FNBP1L: variants seen among roughly 807,000 people sequenced by gnomAD.
The protein encoded by FNBP1L is formin binding protein 1 like.
A neutral mutation model predicts 91.2 loss-of-function variants in FNBP1L; 36 were observed. That is an observed-to-expected ratio of 0.39 (90% CI 0.30 to 0.52). The LOEUF is 0.52. Ranked by LOEUF, FNBP1L falls within the 20% of genes least tolerant of loss-of-function variation. The pLI is 0.66. For synonymous variants in FNBP1L, 242 were observed against 237.0 expected, an observed-to-expected ratio of 1.02 and a Z score of -0.19; for missense variants, 571 against 732.1, an observed-to-expected ratio of 0.78 and a Z score of 2.54.
At chr1:93,494,168 A>G (rs2433277) in intron 1 of FNBP1L, among the ~76,000 whole-genome samples, 149,450 of 152,274 alleles carry the variant, frequency 0.98, 73,393 homozygotes, top group East Asian at 1. Flanking sequence ...TGCTGTAATG[A>G]CTTACAGAAC....
chr1:93,541,057 G>A lies in FNBP1L; in HGVS notation c.1164+1G>A. 1 of 1,536,342 alleles carries A rather than the reference G, an allele frequency of 6.5e-7. No individual in the cohort carries two copies. The highest frequency in any genetic ancestry group is 1.2e-5 in the South Asian group (1 of 84,028). On this transcript the variant is annotated splice_donor_variant, in intron 11 of 16. Transcript: ENST00000271234. LOFTEE classifies it high-confidence loss of function. ...AACTATTCAGTGGTCGGTGAAGATG[G>A]TAAGCCTTATGTGCTGATCTATATA... is the stretch of plus-strand genomic sequence containing the variant.
intron 1 of FNBP1L, 148 bp from the exon 2 acceptor site, chr1:93,499,320 A>G: frequency 1.6e-6 from 1 of 627,332 alleles, no homozygotes; most frequent in Admixed American, 3.1e-5. Context: ...TCTAGGTCTT[A>G]AAGGGTGAAG....
chr1:93,514,971 G>A (rs1161840662), intron 2 of FNBP1L, among the ~76,000 whole-genome samples: 1 of 152,192 alleles, frequency 6.6e-6, no homozygotes, highest in African/African-American at 2.4e-5. Flanking sequence ...TACCATCAGA[G>A]TGAACAGGCA....
intron 10 of FNBP1L, among the ~76,000 whole-genome samples, chr1:93,538,219 GCTATGAACC>G (rs945395844): frequency 1.3e-5 from 2 of 150,676 alleles, no homozygotes; most frequent in African/African-American, 4.9e-5. Context: ...GGCAATTAGA[GCTATGAACC>G]CTGGAGAGAA....
chr1:93,508,750 G>A (rs896979368), intron 2 of FNBP1L, among the ~76,000 whole-genome samples: 5 of 152,154 alleles, frequency 3.3e-5, no homozygotes, highest in African/African-American at 4.8e-5. Flanking sequence ...GTTACCCTCT[G>A]TAGTACTCAT....
intron 1 of FNBP1L, among the ~76,000 whole-genome samples, chr1:93,480,143 C>A (rs1205709902): frequency 1.3e-5 from 2 of 152,146 alleles, no homozygotes; most frequent in Non-Finnish European, 1.5e-5. Flanking sequence ...TCCCTGACTT[C>A]CCACAACAAT....
chr1:93,518,060 G>A (rs374471231), intron 2 of FNBP1L, among the ~76,000 whole-genome samples: 4 of 152,098 alleles, frequency 2.6e-5, no homozygotes, highest in Non-Finnish European at 5.9e-5. Context: ...ATGACAAATG[G>A]TAACTCCTTG....
chr1:93,542,486 A>C (rs191618264), intron 11 of FNBP1L, among the ~76,000 whole-genome samples: 114 of 144,182 alleles, frequency 7.9e-4, no homozygotes, highest in African/African-American at 2.8e-3. Context: ...AGGATGCCCT[A>C]CTTTTTTCTA....
intron 1 of FNBP1L, among the ~76,000 whole-genome samples, chr1:93,487,046 C>T (rs1669935089): frequency 6.6e-6 from 1 of 152,180 alleles, no homozygotes; most frequent in Non-Finnish European, 1.5e-5. Flanking sequence ...GAACCCATTT[C>T]AGTCAGGCTC....
At chr1:93,508,661 A>T (rs768915840) in intron 2 of FNBP1L, among the ~76,000 whole-genome samples, 1 of 152,256 alleles carries the variant, frequency 6.6e-6, no homozygotes, top group Non-Finnish European at 1.5e-5. Context: ...CTCTTGTGTT[A>T]CATGTGCTCT....
In FNBP1L at chr1:93,510,362, C is replaced by T. The variant is rs1366142730; in HGVS notation, c.140+10779C>T. Among the ~76,000 whole-genome samples the T allele has an allele frequency of 5.3e-5, 8 of 152,158 alleles. No individual in the cohort carries two copies. The South Asian group carries it at 6.3e-4, about 12-fold the overall frequency. The stretch of plus-strand genomic sequence containing the variant: ...AGCAGGGGCAGACTGACACCTCACA[C>T]GGCTGGGTACTCCAACAGACCTGCA... On this transcript the variant is annotated intron_variant, in intron 2 of 16. Coordinates refer to ENST00000271234, the MANE Select transcript of FNBP1L (RefSeq NM_001164473.3).
intron 1 of FNBP1L, among the ~76,000 whole-genome samples, chr1:93,480,566 G>A (rs1458395366): frequency 6.6e-6 from 1 of 151,854 alleles, no homozygotes; most frequent in Non-Finnish European, 1.5e-5. Flanking sequence ...CCTGTAAGTT[G>A]GGTCTCTTAG....
intron 2 of FNBP1L, among the ~76,000 whole-genome samples, chr1:93,520,959 C>T (rs1671299032): frequency 1.3e-5 from 2 of 152,092 alleles, no homozygotes; most frequent in Admixed American, 1.3e-4. Context: ...GGAGAATCGC[C>T]TGAACCCCGG....
At chr1:93,483,327 G>T (rs1669783503) in intron 1 of FNBP1L, among the ~76,000 whole-genome samples, 1 of 152,116 alleles carries the variant, frequency 6.6e-6, no homozygotes, top group South Asian at 2.1e-4. Flanking sequence ...CACTAATGGT[G>T]CCTAGTTTAT....
At chr1:93,493,137 G>A (rs1304896681) in intron 1 of FNBP1L, among the ~76,000 whole-genome samples, 5 of 152,048 alleles carry the variant, frequency 3.3e-5, no homozygotes, top group South Asian at 4.2e-4. Flanking sequence ...GGTGATATGC[G>A]CCTATAGTCC....
chr1:93,514,805 C>T (rs1298819237), intron 2 of FNBP1L, among the ~76,000 whole-genome samples: 12 of 151,740 alleles, frequency 7.9e-5, no homozygotes, highest in Non-Finnish European at 1.2e-4. Context: ...GACCTAAAAC[C>T]ATAAAAACCC....
At chr1:93,535,404 A>C (rs1671812884) in intron 9 of FNBP1L, among the ~76,000 whole-genome samples, 2 of 152,034 alleles carry the variant, frequency 1.3e-5, no homozygotes, top group Non-Finnish European at 2.9e-5. Flanking sequence ...AGAGAATCTC[A>C]CTCTTAACTT....
intron 1 of FNBP1L, among the ~76,000 whole-genome samples, chr1:93,471,121 G>GCTTA (rs2101697725): frequency 6.6e-6 from 1 of 152,170 alleles, no homozygotes; most frequent in South Asian, 2.1e-4. Flanking sequence ...TATCCAAAAT[G>GCTTA]CTTAGGACCA....
rs1347063557 is a variant in FNBP1L at position 93,498,143 on chromosome 1, G to A, written c.25-1325G>A. On this transcript the variant is annotated intron_variant, in intron 1 of 16. Coordinates refer to ENST00000271234, the MANE Select transcript of FNBP1L (RefSeq NM_001164473.3). ...GATGGGGTTTGGAATTTAAAATTTGGAGACTTAATCTAGAGGATAAAGAAG... is the reference window on the plus strand; with the variant it reads ...GATGGGGTTTGGAATTTAAAATTTGAAGACTTAATCTAGAGGATAAAGAAG... Among the ~76,000 whole-genome samples, 3 of 152,178 alleles carry A rather than the reference G, an allele frequency of 2.0e-5. No homozygotes were observed. In the East Asian group the frequency reaches 5.8e-4, roughly 29 times the overall value.
Sources: allele counts gnomAD v4.1 joint callset (sites outside exome capture counted in the v4.1 genomes callset), GRCh38; gene constraint gnomAD v4.1.1; transcripts MANE v1.5; gene names NCBI Gene and HGNC (gene_info 2026-07-23, HGNC 2026-07-21).